ETS1: variants seen among roughly 807,000 people sequenced by gnomAD.
The protein encoded by ETS1 is ETS proto-oncogene 1, transcription factor.
In ETS1, 15 loss-of-function variants were observed where a neutral mutation model predicts 58.6. The ratio of observed to expected loss-of-function variants is 0.26; its 90% CI spans 0.17 to 0.39. The LOEUF is 0.39. Among genes scored for constraint, ETS1 ranks in the 10% least tolerant of loss-of-function variants. The probability of loss-of-function intolerance (pLI) is 1.00; values close to 1 mark genes in which losing one functional copy is unlikely to be tolerated. For synonymous variants in ETS1, 214 were observed against 218.2 expected (o/e 0.98, Z 0.17); for missense variants, 417 against 610.5 (o/e 0.68, Z 3.34).
intron 8 of ETS1, among the ~76,000 whole-genome samples, chr11:128,479,395 G>C (rs552522179): frequency 6.6e-6 from 1 of 152,334 alleles, no homozygotes; most frequent in African/African-American, 2.4e-5. Flanking sequence ...CAATCTTACA[G>C]AGAGATCTGA....
At chr11:128,573,714 G>T (rs568363805) in intron 1 of ETS1, among the ~76,000 whole-genome samples, 1 of 152,158 alleles carries the variant, frequency 6.6e-6, no homozygotes, top group East Asian at 1.9e-4. Context: ...TAAATAACTT[G>T]TTGAGAGCTA....
At chr11:128,585,164 GAAAGA>G (rs1565421843) in intron 1 of ETS1, among the ~76,000 whole-genome samples, 313 of 24,630 alleles carry the variant, frequency 0.013, 39 homozygotes, top group East Asian at 0.022. Flanking sequence ...AAGAAAGAAA[GAAAGA>G]GAAAGAAAGA....
chr11:128,530,396 T>C (rs781220083), intron 3 of ETS1: 14 of 152,264 alleles, frequency 9.2e-5, no homozygotes, highest in Non-Finnish European at 1.6e-4. Context: ...AAAATGGGCA[T>C]GTGTGACGTG....
intron 2 of ETS1, chr11:128,571,674 A>G (rs138857831): frequency 1.8e-4 from 27 of 152,220 alleles, no homozygotes; most frequent in African/African-American, 6.3e-4. Context: ...CAAGTCAGAA[A>G]TGCGTTCTTG....
Position 128,484,828 on chromosome 11 carries a change from C to A in ETS1, c.857G>T (p.Ser286Ile). The A allele has an allele frequency of 6.2e-7, 1 of 1,613,458 alleles. No homozygotes were observed. Among genetic ancestry groups the A allele is most frequent in the Non-Finnish European group, 8.5e-7 (1 of 1,179,516 alleles). ...AGAGAAGAAATATGACCTACCACGACTGGTCCTCCCCATGCACATGTTGTC... is the reference window on the plus strand; with the variant it reads ...AGAGAAGAAATATGACCTACCACGAATGGTCCTCCCCATGCACATGTTGTC... Reference protein sequence around the residue: ...TPDNMCMGRTSRGKLGGQDSF... With the variant: ...TPDNMCMGRTIRGKLGGQDSF... Residue 286 changes from serine to isoleucine, a missense_variant, in exon 7 of 10, where the codon AGT becomes ATT. This residue lies in a region of ETS1 where 139 missense variants were observed against 152.1 expected (regional missense o/e 0.91). Coordinates refer to ENST00000392668, the MANE Select transcript of ETS1 (RefSeq NM_001143820.2).
At chr11:128,574,880 C>T (rs1410388647) in intron 1 of ETS1, among the ~76,000 whole-genome samples, 1 of 152,216 alleles carries the variant, frequency 6.6e-6, no homozygotes, top group East Asian at 1.9e-4. Flanking sequence ...ATGATAATGG[C>T]TTAACCACAA....
chr11:128,586,494 T>C (rs1865034210), intron 1 of ETS1, among the ~76,000 whole-genome samples: 1 of 152,246 alleles, frequency 6.6e-6, no homozygotes, highest in Admixed American at 6.5e-5. Flanking sequence ...ATAGTATCAG[T>C]AATTTTACAA....
At chr11:128,469,088 A>T (rs1862116982) in intron 8 of ETS1, among the ~76,000 whole-genome samples, 1 of 152,248 alleles carries the variant, frequency 6.6e-6, no homozygotes, top group Non-Finnish European at 1.5e-5. Flanking sequence ...GGGCCAAACA[A>T]TATGGGTGAC....
intron 1 of ETS1, among the ~76,000 whole-genome samples, chr11:128,581,417 A>G (rs908087953): frequency 6.6e-6 from 1 of 152,194 alleles, no homozygotes; most frequent in African/African-American, 2.4e-5. Context: ...TACAAATGCT[A>G]TGCCTCAAAT....
intron 2 of ETS1, among the ~76,000 whole-genome samples, chr11:128,560,066 C>T (rs1005245743): frequency 3.3e-5 from 5 of 152,200 alleles, no homozygotes; most frequent in Non-Finnish European, 2.9e-5. Flanking sequence ...ACAAACATCA[C>T]ACATCTGTTC....
intron 3 of ETS1, among the ~76,000 whole-genome samples, chr11:128,500,628 A>C (rs528886637): frequency 1.3e-5 from 2 of 152,332 alleles, no homozygotes; most frequent in East Asian, 3.9e-4. Context: ...AGAAGGAAAA[A>C]GCATACTCAT....
At chr11:128,523,931 G>A (rs1006795489) in intron 3 of ETS1, among the ~76,000 whole-genome samples, 1 of 152,050 alleles carries the variant, frequency 6.6e-6, no homozygotes, top group African/African-American at 2.4e-5. Flanking sequence ...AAAAAAAAAG[G>A]TTCTTGAATC....
chr11:128,562,234 C>A (rs1409776858), intron 2 of ETS1, among the ~76,000 whole-genome samples: 1 of 152,178 alleles, frequency 6.6e-6, no homozygotes, highest in South Asian at 2.1e-4. Context: ...CAAGTTGAAA[C>A]CCCGGCTCTA....
chr11:128,465,354 G>A (rs11606640), intron 8 of ETS1, among the ~76,000 whole-genome samples: 15,722 of 152,220 alleles, frequency 0.1, 1,149 homozygotes, highest in Non-Finnish European at 0.16. Context: ...CACTGGTAAA[G>A]CCGTAGCTTC....
intron 3 of ETS1, among the ~76,000 whole-genome samples, chr11:128,529,911 A>C (rs1484075365): frequency 6.6e-6 from 1 of 152,182 alleles, no homozygotes; most frequent in Admixed American, 6.5e-5. Context: ...AGCACTTTTT[A>C]AGTTCCCATG....
At chr11:128,535,789 T>C (rs1400923416) in intron 3 of ETS1, among the ~76,000 whole-genome samples, 1 of 152,186 alleles carries the variant, frequency 6.6e-6, no homozygotes, top group African/African-American at 2.4e-5. Flanking sequence ...AGTTGTGTCT[T>C]TCTAATATTC....
chr11:128,554,930 G>A (rs186730996), intron 3 of ETS1, among the ~76,000 whole-genome samples: 6 of 152,250 alleles, frequency 3.9e-5, no homozygotes, highest in Admixed American at 6.5e-5. Flanking sequence ...TAAGTCTGAC[G>A]TGTGAGCAGG....
Position 128,463,731 on chromosome 11 carries a change from C to T in ETS1, c.1124-104G>A. 4 of 712,772 alleles carry T rather than the reference C, an allele frequency of 5.6e-6. No homozygotes were observed. Among genetic ancestry groups the T allele is most frequent in the Non-Finnish European group, 5.1e-6 (2 of 389,964 alleles). The allele number at this position is 712,772 out of a possible 1,614,324, so 44.2% of individuals were successfully genotyped here. ...CACATCCCTCTTCTCTCAGCCCATC[C>T]AGCCAGGAGAAAATGAAGGCAACAG... On this transcript the variant is annotated intron_variant, in intron 8 of 9. Transcript: ENST00000392668. This position sits in a 1 kb window ranked among gnomAD's most constrained non-coding sequence, Gnocchi z 4.1.
chr11:128,501,715 C>T (rs777554203), intron 3 of ETS1, among the ~76,000 whole-genome samples: 5 of 152,314 alleles, frequency 3.3e-5, no homozygotes, highest in Non-Finnish European at 7.4e-5. Flanking sequence ...AATCAAGACC[C>T]GTTGGGTATA....
Sources: gnomAD v4.1 joint callset for allele counts (sites outside exome capture counted in the v4.1 genomes callset) on GRCh38, gnomAD v4.1.1 for gene constraint, gnomAD v4.1.1 regional missense constraint, Gnocchi (gnomAD v3.1) non-coding constraint, MANE v1.5 for transcripts, NCBI Gene and HGNC (gene_info 2026-07-23, HGNC 2026-07-21) for gene names.